UGGT2: variants seen among roughly 807,000 people sequenced by gnomAD.
UGGT2 encodes the protein UDP-glucose:glycoprotein glucosyltransferase 2.
In UGGT2, 180 loss-of-function variants were observed where a neutral mutation model predicts 192.1. That is an observed-to-expected ratio of 0.94 (90% CI 0.83 to 1.06). The LOEUF is 1.06. Among genes scored for constraint, UGGT2 ranks in the 50% least tolerant of loss-of-function variants. UGGT2 has a pLI of 0.00. For synonymous variants in UGGT2, 580 were observed against 591.0 expected (o/e 0.98, Z 0.27); for missense variants, 1,849 against 1,795.7 (o/e 1.03, Z -0.54).
At chr13:96,006,423 G>A (rs999142740) in intron 5 of UGGT2, among the ~76,000 whole-genome samples, 2 of 151,892 alleles carry the variant, frequency 1.3e-5, no homozygotes, top group African/African-American at 4.8e-5. Context: ...TCAGGAGTTC[G>A]AGACCAGCCT....
At chr13:95,963,612 C>G (rs1409959870) in intron 12 of UGGT2, among the ~76,000 whole-genome samples, 2 of 152,116 alleles carry the variant, frequency 1.3e-5, no homozygotes, top group Non-Finnish European at 2.9e-5. Context: ...CCTCTTTGCA[C>G]ACAACATGAT....
At chr13:95,961,672 T>C (rs1282050909) in intron 12 of UGGT2, among the ~76,000 whole-genome samples, 2 of 152,084 alleles carry the variant, frequency 1.3e-5, no homozygotes, top group Non-Finnish European at 2.9e-5. Flanking sequence ...AACACCCTAC[T>C]CTCAGCAATA....
At chr13:96,028,002 C>T (rs2052719683) in intron 2 of UGGT2, among the ~76,000 whole-genome samples, 1 of 152,206 alleles carries the variant, frequency 6.6e-6, no homozygotes, top group Admixed American at 6.5e-5. Context: ...TCCTTAGTCT[C>T]CACTGTGTGC....
chr13:96,012,984 C>CT (rs2052211001), intron 5 of UGGT2, among the ~76,000 whole-genome samples: 1 of 12,896 alleles, frequency 7.8e-5, no homozygotes, highest in Non-Finnish European at 3.5e-4. Context: ...TGATCTAGTA[C>CT]TGTATATATT....
At chr13:95,999,347 T>C in intron 5 of UGGT2, 40 bp from the exon 6 acceptor site, 1 of 1,569,342 alleles carries the variant, frequency 6.4e-7, no homozygotes, top group Non-Finnish European at 8.8e-7. Context: ...CGAAAAGAGT[T>C]AGTCAAACAT....
chr13:96,015,224 G>C (rs566474017), intron 4 of UGGT2, among the ~76,000 whole-genome samples: 25 of 150,234 alleles, frequency 1.7e-4, no homozygotes, highest in South Asian at 1.3e-3. Context: ...CTTGCAGTGA[G>C]CCGAGATCGC....
At chr13:96,007,603 T>C (rs2052021638) in intron 5 of UGGT2, among the ~76,000 whole-genome samples, 1 of 152,034 alleles carries the variant, frequency 6.6e-6, no homozygotes, top group Admixed American at 6.5e-5. Context: ...TTCAGTAAAG[T>C]TGCAAGATAT....
At chr13:95,839,717 T>G (rs1469303934) in intron 36 of UGGT2, among the ~76,000 whole-genome samples, 1 of 152,202 alleles carries the variant, frequency 6.6e-6, no homozygotes, top group Admixed American at 6.5e-5. Context: ...GTCAAACTGT[T>G]TTTGAACTTG....
intron 12 of UGGT2, among the ~76,000 whole-genome samples, chr13:95,959,765 C>G (rs909911657): frequency 6.6e-6 from 1 of 152,190 alleles, no homozygotes; most frequent in African/African-American, 2.4e-5. Context: ...CTACCTACCA[C>G]TGTCATTCCC....
intron 7 of UGGT2, chr13:95,991,340 A>G (rs2051452033): frequency 2.7e-6 from 1 of 366,196 alleles, no homozygotes; most frequent in Non-Finnish European, 5.4e-6. Context: ...CACACACACC[A>G]ACAGTGTAAA....
intron 36 of UGGT2, among the ~76,000 whole-genome samples, chr13:95,851,340 A>G (rs1408516471): frequency 6.6e-6 from 1 of 152,232 alleles, no homozygotes; most frequent in Non-Finnish European, 1.5e-5. Flanking sequence ...GCTAAGAGAC[A>G]GAGATAAGAT....
At chr13:95,955,388 AC>A (rs1305050379) in intron 12 of UGGT2, among the ~76,000 whole-genome samples, 1 of 152,136 alleles carries the variant, frequency 6.6e-6, no homozygotes, top group African/African-American at 2.4e-5. Context: ...CAAAACAGAA[AC>A]CTAGTGAGAG....
chr13:95,877,516 C>A, intron 28 of UGGT2, 152 bp from the exon 29 acceptor site: 1 of 979,662 alleles, frequency 1.0e-6, no homozygotes, highest in Non-Finnish European at 1.4e-6. Context: ...TTTACAATAA[C>A]CTGTCAAAAA....
chr13:95,962,889 C>T (rs1009142340), intron 12 of UGGT2, among the ~76,000 whole-genome samples: 2 of 152,022 alleles, frequency 1.3e-5, no homozygotes, highest in African/African-American at 2.4e-5. Flanking sequence ...CTCACAATCA[C>T]GGTGGGAGGC....
intron 38 of UGGT2, among the ~76,000 whole-genome samples, chr13:95,824,399 G>C (rs1002793968): frequency 2.7e-5 from 4 of 148,378 alleles, no homozygotes; most frequent in African/African-American, 9.9e-5. Context: ...CAAACTTCTA[G>C]CCTTCTCTTC....
chr13:95,814,142 C>A (rs960368976), intron 38 of UGGT2, among the ~76,000 whole-genome samples: 5 of 152,210 alleles, frequency 3.3e-5, no homozygotes, highest in Non-Finnish European at 7.4e-5. Context: ...TTGTACCCCC[C>A]ACAGAGAGTC....
intron 30 of UGGT2, among the ~76,000 whole-genome samples, chr13:95,865,407 G>A (rs1053833763): frequency 6.6e-6 from 1 of 152,210 alleles, no homozygotes; most frequent in Admixed American, 6.5e-5. Flanking sequence ...CACTCTGGGA[G>A]GCCAAGGCGG....
At chr13:95,933,305 T>C (rs1261672044) in intron 17 of UGGT2, among the ~76,000 whole-genome samples, 1 of 152,196 alleles carries the variant, frequency 6.6e-6, no homozygotes, top group Non-Finnish European at 1.5e-5. Flanking sequence ...CCTGATTCAA[T>C]CTTGGGAGAC....
intron 17 of UGGT2, among the ~76,000 whole-genome samples, chr13:95,935,457 T>A (rs983108355): frequency 2.6e-5 from 4 of 152,226 alleles, no homozygotes; most frequent in Non-Finnish European, 5.9e-5. Flanking sequence ...AAATTCTTGG[T>A]TGGAATTTCT....
Sources: gnomAD v4.1 joint callset for allele counts (sites outside exome capture counted in the v4.1 genomes callset) on GRCh38, gnomAD v4.1.1 for gene constraint, MANE v1.5 for transcripts, NCBI Gene and HGNC (gene_info 2026-07-23, HGNC 2026-07-21) for gene names.